WDPCP: variants seen among roughly 807,000 people sequenced by gnomAD.
WDPCP encodes WD repeat containing planar cell polarity effector.
Under a neutral mutation model 93.1 loss-of-function variants are expected in WDPCP, and 71 were observed. That is an observed-to-expected ratio of 0.76 (90% CI 0.63 to 0.93). The LOEUF (loss-of-function observed/expected upper bound fraction) is 0.93. Ranked by LOEUF, WDPCP falls within the 40% of genes least tolerant of loss-of-function variation. WDPCP has a pLI of 0.00. For synonymous variants in WDPCP, 315 were observed against 315.0 expected (o/e 1.00, Z 0.00); for missense variants, 844 against 887.4 (o/e 0.95, Z 0.62).
chr2:63,398,624 G>A (rs1206734733), intron 10 of WDPCP, among the ~76,000 whole-genome samples: 1 of 152,104 alleles, frequency 6.6e-6, no homozygotes, highest in African/African-American at 2.4e-5. Context: ...AAAAATCTTA[G>A]CATATTGGCA....
rs535939040 is a variant in WDPCP, at chr2:63,549,721, G to C, written c.75+38476C>G. On this transcript the variant is annotated intron_variant, in intron 1 of 17. Coordinates refer to ENST00000272321, the MANE Select transcript of WDPCP (RefSeq NM_015910.7). Reference sequence around the variant, plus strand: ...GCAGAGGTTGCAGTCAGCTGAGATCGAGCCACTGCAACTCCATCCTGGACG... The same window carrying C: ...GCAGAGGTTGCAGTCAGCTGAGATCCAGCCACTGCAACTCCATCCTGGACG... Among the ~76,000 whole-genome samples the C allele has an allele frequency of 7.2e-5, 11 of 152,188 alleles. No homozygotes were observed. In the South Asian group the frequency reaches 2.1e-3, roughly 29 times the overall value.
chr2:63,605,992 T>C, intron 3 of WDPCP: 1 of 1,614,192 alleles, frequency 6.2e-7, no homozygotes, highest in Non-Finnish European at 8.5e-7. Context: ...ATGGTGTTCC[T>C]GATGATCTGC....
chr2:63,251,866 A>G (rs1680756001), intron 14 of WDPCP, among the ~76,000 whole-genome samples: 1 of 152,104 alleles, frequency 6.6e-6, no homozygotes, highest in South Asian at 2.1e-4. Flanking sequence ...TATAAAGAAG[A>G]ACTTGTACCA....
At chr2:63,745,323 A>C (rs1055001696) in intron 2 of WDPCP, among the ~76,000 whole-genome samples, 1 of 152,208 alleles carries the variant, frequency 6.6e-6, no homozygotes, top group Non-Finnish European at 1.5e-5. Flanking sequence ...GCAATGTTTT[A>C]ATATCTCATT....
intron 1 of WDPCP, among the ~76,000 whole-genome samples, chr2:63,519,738 A>G (rs1353090138): frequency 6.6e-6 from 1 of 152,152 alleles, no homozygotes; most frequent in Non-Finnish European, 1.5e-5. Context: ...AAAAAAATCA[A>G]AAGTCAGCAA....
intron 13 of WDPCP, among the ~76,000 whole-genome samples, chr2:63,300,227 T>C (rs1559298036): frequency 6.6e-6 from 1 of 152,092 alleles, no homozygotes; most frequent in Admixed American, 6.5e-5. Context: ...AAACTCCTCA[T>C]GTGTGTCTGT....
chr2:63,410,947 G>A (rs779339468), intron 9 of WDPCP, among the ~76,000 whole-genome samples: 10 of 151,852 alleles, frequency 6.6e-5, no homozygotes, highest in Non-Finnish European at 1.0e-4. Flanking sequence ...TAATAGAGGG[G>A]GACTTCAATA....
At chr2:63,393,236 G>A (rs1356407521) in intron 10 of WDPCP, among the ~76,000 whole-genome samples, 1 of 152,140 alleles carries the variant, frequency 6.6e-6, no homozygotes, top group African/African-American at 2.4e-5. Flanking sequence ...TCCTTTGCCA[G>A]GACATGGATG....
chr2:63,190,707 A>T (rs1187555720), intron 14 of WDPCP, among the ~76,000 whole-genome samples: 2 of 152,058 alleles, frequency 1.3e-5, no homozygotes, highest in African/African-American at 4.8e-5. Flanking sequence ...TACTGAGTGT[A>T]CTCAATTCCA....
chr2:63,684,476 G>C lies in WDPCP; in HGVS notation n.309-33638C>G. The C allele has an allele frequency of 9.0e-6, 7 of 775,606 alleles. No individual in the cohort carries two copies. The South Asian group carries it at 9.4e-5, about 10-fold the overall frequency. The allele number at this position is 775,606 out of a possible 1,614,324, so 48.0% of individuals were successfully genotyped here. ...CCCCCGCAAAGTGATAGCTGTCATG[G>C]GCAAGAAGAAGATCGCCAAGAGGTC... On this transcript the variant is annotated intron_variant and non_coding_transcript_variant, in intron 2 of 4. Transcript: ENST00000467687.
intron 1 of WDPCP, 100 bp downstream of exon 1, chr2:63,588,097 G>C (rs939926687): frequency 2.7e-5 from 37 of 1,354,060 alleles, no homozygotes; most frequent in Non-Finnish European, 3.7e-5. Flanking sequence ...GAGCTTGCAG[G>C]CATCCGCACA....
At chr2:63,663,476 C>T (rs1710250857) in intron 2 of WDPCP, among the ~76,000 whole-genome samples, 2 of 152,182 alleles carry the variant, frequency 1.3e-5, no homozygotes, top group African/African-American at 4.8e-5. Flanking sequence ...GGTTGGCTCC[C>T]AGCCTGACTC....
At chr2:63,318,284 G>A (rs1057284697) in intron 12 of WDPCP, among the ~76,000 whole-genome samples, 1 of 152,134 alleles carries the variant, frequency 6.6e-6, no homozygotes, top group Non-Finnish European at 1.5e-5. Context: ...TGGCAAGGGT[G>A]CAGAGAAAAA....
At chr2:63,373,433 T>C (rs1405586438) in intron 12 of WDPCP, among the ~76,000 whole-genome samples, 1 of 151,622 alleles carries the variant, frequency 6.6e-6, no homozygotes, top group East Asian at 1.9e-4. Flanking sequence ...TTAAAAAACG[T>C]TTTGTAGAGA....
intron 3 of WDPCP, among the ~76,000 whole-genome samples, chr2:63,637,833 G>A (rs1161442422): frequency 6.6e-6 from 1 of 152,166 alleles, no homozygotes; most frequent in Non-Finnish European, 1.5e-5. Flanking sequence ...CAAATTTTTG[G>A]TGGGAATGTA....
At chr2:63,563,033 G>C (rs1221693233) in intron 1 of WDPCP, among the ~76,000 whole-genome samples, 1 of 152,110 alleles carries the variant, frequency 6.6e-6, no homozygotes, top group Non-Finnish European at 1.5e-5. Context: ...GGAAATATAT[G>C]TAGGTATACA....
chr2:63,534,012 A>G, intron 1 of WDPCP, among the ~76,000 whole-genome samples: 1 of 152,102 alleles, frequency 6.6e-6, no homozygotes, highest in South Asian at 2.1e-4. Flanking sequence ...AGATGCAAAA[A>G]AAATGATAAA....
At chr2:63,406,261 CACTG>C (rs1262185174) in intron 9 of WDPCP, among the ~76,000 whole-genome samples, 6 of 152,130 alleles carry the variant, frequency 3.9e-5, no homozygotes, top group Non-Finnish European at 5.9e-5. Context: ...AATGGCTACC[CACTG>C]ACTAATACGT....
intron 7 of WDPCP, 49 bp downstream of exon 7, chr2:63,439,708 C>G (rs544749745): frequency 1.3e-6 from 2 of 1,515,556 alleles, no homozygotes; most frequent in South Asian, 2.2e-5. Flanking sequence ...ACTATTTCTC[C>G]TGCCCCACTG....
Sources: allele counts gnomAD v4.1 joint callset (sites outside exome capture counted in the v4.1 genomes callset), GRCh38; gene constraint gnomAD v4.1.1; transcripts MANE v1.5; gene names NCBI Gene and HGNC (gene_info 2026-07-23, HGNC 2026-07-21).